Variants in ALDH1A2 observed in about 807,000 individuals in gnomAD.
The protein encoded by ALDH1A2 is retinal dehydrogenase 2.
ALDH1A2 carries 27 observed loss-of-function variants against 60.3 expected under a neutral mutation model. That is an observed-to-expected ratio of 0.45 (90% CI 0.33 to 0.62). ALDH1A2 has a LOEUF of 0.62. Among genes scored for constraint, ALDH1A2 ranks in the 20% least tolerant of loss-of-function variants. The pLI is 0.02. For missense variants in ALDH1A2, 581 were observed against 643.8 expected (o/e 0.90, Z 1.06); for synonymous variants, 289 against 232.4 (o/e 1.24, Z -2.21).
intron 7 of ALDH1A2, among the ~76,000 whole-genome samples, chr15:57,974,229 C>A (rs562243206): frequency 6.6e-6 from 1 of 152,072 alleles, no homozygotes; most frequent in African/African-American, 2.4e-5. Context: ...GTCAGGAGAT[C>A]AAGACCATCC....
chr15:58,043,823 C>A (rs1358435310), intron 1 of ALDH1A2, among the ~76,000 whole-genome samples: 1 of 151,932 alleles, frequency 6.6e-6, no homozygotes, highest in Non-Finnish European at 1.5e-5. Flanking sequence ...TTTTAAAATG[C>A]TCTAATGAAT....
chr15:57,975,240 T>G (rs569214223), intron 7 of ALDH1A2, among the ~76,000 whole-genome samples: 1 of 152,366 alleles, frequency 6.6e-6, no homozygotes, highest in East Asian at 1.9e-4. Context: ...CATACAAATA[T>G]TTGTACATGA....
intron 7 of ALDH1A2, chr15:57,980,296 C>T: frequency 2.4e-6 from 1 of 413,046 alleles, no homozygotes; most frequent in Non-Finnish European, 4.9e-6. Flanking sequence ...GCATGTGCCT[C>T]ATGTTCCCAC....
At chr15:58,059,361 G>A (rs1896967919) in intron 1 of ALDH1A2, among the ~76,000 whole-genome samples, 1 of 152,136 alleles carries the variant, frequency 6.6e-6, no homozygotes, top group South Asian at 2.1e-4. Context: ...GCCACGGCCT[G>A]GTGCTTTTAC....
At chr15:58,049,856 A>T (rs1896732663) in intron 1 of ALDH1A2, among the ~76,000 whole-genome samples, 1 of 152,150 alleles carries the variant, frequency 6.6e-6, no homozygotes, top group East Asian at 1.9e-4. Context: ...TGAGAATGTA[A>T]CATGATTTCT....
chr15:57,961,753 A>G (rs913330387), intron 10 of ALDH1A2, among the ~76,000 whole-genome samples: 1 of 152,154 alleles, frequency 6.6e-6, no homozygotes, highest in African/African-American at 2.4e-5. Context: ...GTTGAGGCCA[A>G]TGGCAGGCTA....
intron 1 of ALDH1A2, among the ~76,000 whole-genome samples, chr15:58,046,895 G>A (rs974417477): frequency 3.3e-5 from 5 of 152,004 alleles, no homozygotes; most frequent in East Asian, 3.9e-4. Flanking sequence ...CAACAGCATC[G>A]GATTCTTCTA....
At chr15:58,049,195 A>C (rs1053884108) in intron 1 of ALDH1A2, among the ~76,000 whole-genome samples, 2 of 152,052 alleles carry the variant, frequency 1.3e-5, no homozygotes, top group Admixed American at 1.3e-4. Context: ...GAATATACCA[A>C]ATCTTCTTTA....
intron 1 of ALDH1A2, among the ~76,000 whole-genome samples, chr15:58,064,795 CT>C (rs1329129751): frequency 2.0e-5 from 3 of 151,740 alleles, no homozygotes; most frequent in Admixed American, 1.3e-4. Context: ...GACGCATATT[CT>C]TTTTTAGGCG....
At chr15:57,965,293 G>C (rs1406052099) in intron 8 of ALDH1A2, among the ~76,000 whole-genome samples, 1 of 152,298 alleles carries the variant, frequency 6.6e-6, no homozygotes, top group South Asian at 2.1e-4. Flanking sequence ...AACAGAGAAG[G>C]GGCTGTGGGT....
intron 1 of ALDH1A2, among the ~76,000 whole-genome samples, chr15:58,029,665 T>TA (rs1384406594): frequency 1.3e-5 from 2 of 148,952 alleles, no homozygotes; most frequent in African/African-American, 4.9e-5. Context: ...GCAAGACTAA[T>TA]AAAAAAGAGA....
In ALDH1A2 at chr15:58,010,789, A is replaced by G; in HGVS notation, c.364-11T>C. On this transcript the variant is annotated splice_polypyrimidine_tract_variant and intron_variant, in intron 3 of 12. Transcript: ENST00000249750. ...TAGGGATTCCATGGTCTGTTGGAAGAGAAATGGAGAGATACTAAGTCCCCA... is the reference window on the plus strand; with the variant it reads ...TAGGGATTCCATGGTCTGTTGGAAGGGAAATGGAGAGATACTAAGTCCCCA... The G allele has an allele frequency of 6.2e-7, 1 of 1,612,836 alleles. No individual in the cohort carries two copies. Among genetic ancestry groups the G allele is most frequent in the Non-Finnish European group, 8.5e-7 (1 of 1,179,054 alleles).
chr15:58,056,420 T>A (rs1454136126), intron 1 of ALDH1A2, among the ~76,000 whole-genome samples: 4 of 152,092 alleles, frequency 2.6e-5, no homozygotes, highest in African/African-American at 9.7e-5. Flanking sequence ...ATTGTCCCCA[T>A]GCATAAGCAA....
chr15:57,963,438 C>T (rs1893793297), intron 9 of ALDH1A2, among the ~76,000 whole-genome samples: 1 of 149,902 alleles, frequency 6.7e-6, no homozygotes, highest in Non-Finnish European at 1.5e-5. Flanking sequence ...CTCCCGGGTT[C>T]ACGCCATTCT....
At chr15:57,990,161 A>G (rs1894845918) in intron 7 of ALDH1A2, 1 of 152,234 alleles carries the variant, frequency 6.6e-6, no homozygotes, top group Non-Finnish European at 1.5e-5. Context: ...TACAACAAAC[A>G]AAAGATTAAC....
In ALDH1A2 at chr15:57,972,637, A is replaced by C. The variant is rs183832925; in HGVS notation, c.799-6810T>G. On this transcript the variant is annotated intron_variant, in intron 7 of 12. Transcript: ENST00000249750. Reference sequence around the variant, plus strand: ...ATGGAATCTCATCCAGCAGGCAGAGACTATACCATACTTATTCTTCAGTCT... The same window carrying C: ...ATGGAATCTCATCCAGCAGGCAGAGCCTATACCATACTTATTCTTCAGTCT... Among the ~76,000 whole-genome samples, 279 of 152,310 alleles carry C rather than the reference A, an allele frequency of 1.8e-3. 1 individual carries two copies. The highest frequency in any genetic ancestry group is 3.5e-3 in the Non-Finnish European group (241 of 68,028).
intron 1 of ALDH1A2, among the ~76,000 whole-genome samples, chr15:58,015,507 T>C (rs886600961): frequency 2.0e-5 from 3 of 152,254 alleles, no homozygotes; most frequent in Non-Finnish European, 2.9e-5. Flanking sequence ...CTTGTAATTG[T>C]ACATTTTACA....
intron 7 of ALDH1A2, among the ~76,000 whole-genome samples, chr15:57,986,011 C>T (rs914339665): frequency 6.6e-6 from 1 of 152,062 alleles, no homozygotes; most frequent in African/African-American, 2.4e-5. Flanking sequence ...AAATAGTAAC[C>T]TCATTAACTG....
chr15:58,041,545 G>T (rs1202377846), intron 1 of ALDH1A2, among the ~76,000 whole-genome samples: 1 of 151,898 alleles, frequency 6.6e-6, no homozygotes. Context: ...TCAGTGTCTG[G>T]TGAGGGCCCA....
Sources: allele counts gnomAD v4.1 joint callset (sites outside exome capture counted in the v4.1 genomes callset), GRCh38; gene constraint gnomAD v4.1.1; transcripts MANE v1.5; gene names NCBI Gene and HGNC (gene_info 2026-07-23, HGNC 2026-07-21).